Variants in ATP6V1C1 observed in about 807,000 individuals in gnomAD.
ATP6V1C1 encodes the protein V-type proton ATPase subunit C 1.
Under a neutral mutation model 53.9 loss-of-function variants are expected in ATP6V1C1, and 45 were observed. That is an observed-to-expected ratio of 0.83 (90% CI 0.66 to 1.07). The LOEUF is 1.07. Ranked by LOEUF, ATP6V1C1 falls within the 50% of genes least tolerant of loss-of-function variation. The pLI, the probability that ATP6V1C1 is intolerant of heterozygous loss-of-function variation, is 0.00. For synonymous variants in ATP6V1C1, 153 were observed against 155.2 expected (o/e 0.99, Z 0.11); for missense variants, 315 against 440.3 (o/e 0.72, Z 2.55).
At chr8:103,061,612 TG>T (rs1276851088) in intron 8 of ATP6V1C1, among the ~76,000 whole-genome samples, 2 of 152,202 alleles carry the variant, frequency 1.3e-5, no homozygotes, top group African/African-American at 4.8e-5. Context: ...GTATGTTTAT[TG>T]TCTAGATTGT....
chr8:103,028,333 A>G lies in ATP6V1C1; in HGVS notation c.-40+7108A>G, dbSNP rs1816734263. Among the ~76,000 whole-genome samples, 4 of 152,300 alleles carry G rather than the reference A, an allele frequency of 2.6e-5. No individual in the cohort carries two copies. The South Asian group carries it at 8.3e-4, about 32-fold the overall frequency. ...GAGGATAAGGCAGAAAAACTCAGAC[A>G]GGGATGCTAGTAGTGATGACAGTGA... On this transcript the variant is annotated intron_variant, in intron 1 of 12. Coordinates refer to ENST00000518738, the MANE Select transcript of ATP6V1C1 (RefSeq NM_001695.5).
chr8:103,063,059 GT>G lies in ATP6V1C1; in HGVS notation c.734+19del, dbSNP rs775980834. The G allele has an allele frequency of 1.9e-6, 3 of 1,612,826 alleles. No homozygotes were observed. The highest frequency in any genetic ancestry group is 2.5e-6 in the Non-Finnish European group (3 of 1,179,340). ...GCCAGAGAAAACAAGTAAGATTATTGTTTTTTTGTTTATTTACTTTGTTAGA... is the reference window on the plus strand; with the variant it reads ...GCCAGAGAAAACAAGTAAGATTATTGTTTTTTGTTTATTTACTTTGTTAGA... On this transcript the variant is annotated intron_variant, in intron 9 of 12. Coordinates refer to ENST00000518738, the MANE Select transcript of ATP6V1C1 (RefSeq NM_001695.5).
At chr8:103,023,106 C>T (rs1019599662) in intron 1 of ATP6V1C1, among the ~76,000 whole-genome samples, 1 of 152,106 alleles carries the variant, frequency 6.6e-6, no homozygotes, top group Non-Finnish European at 1.5e-5. Flanking sequence ...TGTCAAGGCC[C>T]TGAAATGTGA....
rs369375830 is a variant in ATP6V1C1, at chr8:103,052,712, T to C, written c.382-19T>C. ...TTTAGGAAAATTTTATCTATTTTTC[T>C]TCTTTTTCTTTTTCAAAGGGAGTAA... is the stretch of plus-strand genomic sequence containing the variant. On this transcript the variant is annotated intron_variant, in intron 5 of 12. Coordinates refer to ENST00000518738, the MANE Select transcript of ATP6V1C1 (RefSeq NM_001695.5). 6.6e-6 allele frequency: 10 copies of C among 1,522,704 alleles called. No homozygotes were observed. The East Asian group carries it at 2.4e-4, about 36-fold the overall frequency. 94.3% of individuals were successfully genotyped at this position (1,522,704 alleles called of 1,614,324 possible).
chr8:103,047,430 G>GCACACA (rs546475923), intron 3 of ATP6V1C1, among the ~76,000 whole-genome samples: 57 of 104,944 alleles, frequency 5.4e-4, no homozygotes, highest in South Asian at 2.4e-3. Context: ...AAATGCGCGC[G>GCACACA]CACACACACA....
chr8:103,067,617 T>TTTC (rs1408507732), intron 12 of ATP6V1C1, among the ~76,000 whole-genome samples: 1 of 144,484 alleles, frequency 6.9e-6, no homozygotes, highest in African/African-American at 2.6e-5. Flanking sequence ...TTTTTTTTTT[T>TTTC]CGAGATGGAG....
rs944591409 is a variant in ATP6V1C1 at position 103,069,020 on chromosome 8, G to A, written c.*273G>A. On this transcript the variant is annotated 3_prime_UTR_variant, in exon 13 of 13. Transcript: ENST00000518738. ...ACAAAATAGTTTATTTAAAGAGAAG[G>A]TCTCTTCCTTATTGATATCATGGTA... The A allele has an allele frequency of 1.9e-5, 4 of 206,870 alleles. No individual in the cohort carries two copies. The highest frequency in any genetic ancestry group is 4.6e-5 in the African/African-American group (2 of 43,362). The allele number at this position is 206,870 out of a possible 1,614,324, so 12.8% of individuals were successfully genotyped here.
chr8:103,051,236 A>G, intron 5 of ATP6V1C1, 92 bp downstream of exon 5: 3 of 903,766 alleles, frequency 3.3e-6, no homozygotes, highest in East Asian at 2.7e-5. Flanking sequence ...TTAGGTTTTG[A>G]TAAGGCAACT....
chr8:103,038,106 G>A (rs1288651222), intron 1 of ATP6V1C1, among the ~76,000 whole-genome samples: 1 of 152,146 alleles, frequency 6.6e-6, no homozygotes, highest in East Asian at 1.9e-4. Context: ...TCCTAATTCT[G>A]TGAGTTGCTG....
intron 8 of ATP6V1C1, among the ~76,000 whole-genome samples, chr8:103,060,173 G>A (rs955595811): frequency 7.9e-5 from 12 of 151,730 alleles, no homozygotes; most frequent in East Asian, 7.7e-4. Context: ...TCACTATGTC[G>A]GCCAGACTGG....
chr8:103,050,663 A>C (rs181029285), intron 4 of ATP6V1C1, among the ~76,000 whole-genome samples: 11 of 152,288 alleles, frequency 7.2e-5, no homozygotes, highest in African/African-American at 2.6e-4. Flanking sequence ...GTTTATTTTC[A>C]GTTTGTTTGG....
chr8:103,030,795 A>G (rs2131382674), intron 1 of ATP6V1C1, among the ~76,000 whole-genome samples: 1 of 152,340 alleles, frequency 6.6e-6, no homozygotes, highest in Non-Finnish European at 1.5e-5. Flanking sequence ...GAGATCTAAC[A>G]AAGAATGACC....
At chr8:103,059,512 A>T (rs1817354587) in intron 8 of ATP6V1C1, among the ~76,000 whole-genome samples, 1 of 145,956 alleles carries the variant, frequency 6.9e-6, no homozygotes. Context: ...TTGCCCTTGC[A>T]CCCCCCTCCC....
chr8:103,064,514 C>G, intron 10 of ATP6V1C1, 200 bp from the exon 11 acceptor site: 1 of 440,788 alleles, frequency 2.3e-6, no homozygotes, highest in Non-Finnish European at 4.0e-6. Flanking sequence ...GTTGAGATCT[C>G]TCTGTAGTGG....
intron 7 of ATP6V1C1, among the ~76,000 whole-genome samples, chr8:103,055,338 G>A (rs575140089): frequency 3.3e-5 from 5 of 152,082 alleles, no homozygotes; most frequent in Admixed American, 6.6e-5. Flanking sequence ...CTCAAACGTA[G>A]TTGTCTCTCC....
At chr8:103,050,153 G>C (rs1817175550) in intron 4 of ATP6V1C1, among the ~76,000 whole-genome samples, 1 of 152,174 alleles carries the variant, frequency 6.6e-6, no homozygotes, top group Non-Finnish European at 1.5e-5. Context: ...TTGTTATCAA[G>C]TAATTCTGAT....
chr8:103,041,971 T>C (rs1817008825), intron 2 of ATP6V1C1, among the ~76,000 whole-genome samples: 1 of 152,222 alleles, frequency 6.6e-6, no homozygotes, highest in South Asian at 2.1e-4. Flanking sequence ...ACGTACTCAC[T>C]TATGCACAGT....
intron 1 of ATP6V1C1, among the ~76,000 whole-genome samples, chr8:103,023,550 G>C (rs963733380): frequency 6.6e-6 from 1 of 152,170 alleles, no homozygotes; most frequent in African/African-American, 2.4e-5. Flanking sequence ...GTACATAGCA[G>C]AGGCTCTTTT....
At chr8:103,045,319 T>G (rs1171130762) in intron 3 of ATP6V1C1, among the ~76,000 whole-genome samples, 2 of 152,166 alleles carry the variant, frequency 1.3e-5, no homozygotes, top group African/African-American at 4.8e-5. Flanking sequence ...GAGAGATCTT[T>G]TAATATAACA....
Sources: allele counts gnomAD v4.1 joint callset (sites outside exome capture counted in the v4.1 genomes callset), GRCh38; gene constraint gnomAD v4.1.1; transcripts MANE v1.5; gene names NCBI Gene and HGNC (gene_info 2026-07-23, HGNC 2026-07-21).